Variants in CRYZ observed in about 807,000 individuals in gnomAD.
CRYZ encodes the protein zeta-crystallin.
In CRYZ, 35 loss-of-function variants were observed where a neutral mutation model predicts 34.1. The ratio of observed to expected loss-of-function variants is 1.03; its 90% CI spans 0.78 to 1.36. CRYZ has a LOEUF of 1.36. CRYZ is among the 40% of genes most tolerant of loss of function. The pLI, the probability that CRYZ is intolerant of heterozygous loss-of-function variation, is 0.00. For missense variants in CRYZ, 403 were observed against 391.8 expected (o/e 1.03, Z -0.24); for synonymous variants, 137 against 136.5 (o/e 1.00, Z -0.03).
At chr1:74,726,247 G>A (rs989691491) in intron 1 of CRYZ, among the ~76,000 whole-genome samples, 3 of 152,166 alleles carry the variant, frequency 2.0e-5, no homozygotes, top group East Asian at 1.9e-4. Context: ...TCTCCATGAG[G>A]GCTCCATCCC....
rs1381461241 is a variant in CRYZ, at chr1:74,710,119, C to T, written c.609G>A (p.Val203=). ...GAHEVFNHRE[V]NYIDKIKKYV... ...TTACCTTAATTTTATCAATGTAATTCACTTCTCTGTGATTGAACACTTCAT... is the reference window on the plus strand; with the variant it reads ...TTACCTTAATTTTATCAATGTAATTTACTTCTCTGTGATTGAACACTTCAT... Residue 203 remains valine, a synonymous_variant, in exon 6 of 9, where the codon GTG becomes GTA. Coordinates refer to ENST00000340866, the MANE Select transcript of CRYZ (RefSeq NM_001889.4). 2 of 1,613,212 alleles carry T rather than the reference C, an allele frequency of 1.2e-6. No individual in the cohort carries two copies. Among genetic ancestry groups the T allele is most frequent in the Non-Finnish European group, 1.7e-6 (2 of 1,179,504 alleles).
chr1:74,711,610 G>A (rs1363812727), intron 5 of CRYZ, among the ~76,000 whole-genome samples: 1 of 152,222 alleles, frequency 6.6e-6, no homozygotes. Flanking sequence ...ACTTTGCCAA[G>A]TGTGGTGGCG....
At chr1:74,719,061 T>C in intron 4 of CRYZ, 148 bp downstream of exon 4, 1 of 765,348 alleles carries the variant, frequency 1.3e-6, no homozygotes, top group African/African-American at 1.8e-5. Flanking sequence ...ATTCCCCAAA[T>C]TCACAGTTTC....
At chr1:74,714,300 G>A (rs1235116239) in intron 5 of CRYZ, among the ~76,000 whole-genome samples, 1 of 152,018 alleles carries the variant, frequency 6.6e-6, no homozygotes, top group Non-Finnish European at 1.5e-5. Context: ...CTACTTGAAG[G>A]CAAAAACAAG....
chr1:74,730,566 G>T (rs891800669), intron 1 of CRYZ: 20 of 152,192 alleles, frequency 1.3e-4, no homozygotes, highest in Non-Finnish European at 5.9e-5. Flanking sequence ...AGAACAGGTA[G>T]AGAAGTTATT....
intron 6 of CRYZ, chr1:74,708,899 A>G (rs998866695): frequency 2.6e-5 from 4 of 152,154 alleles, no homozygotes; most frequent in Admixed American, 1.3e-4. Flanking sequence ...TTGAAAGTGA[A>G]AAGTCAGGAA....
At chr1:74,719,080 A>C in intron 4 of CRYZ, 129 bp downstream of exon 4, 1 of 904,640 alleles carries the variant, frequency 1.1e-6, no homozygotes, top group Non-Finnish European at 1.7e-6. Flanking sequence ...TCCATTATAT[A>C]AATGTTTAAT....
chr1:74,706,528 A>G lies in CRYZ; in HGVS notation c.829-71T>C, dbSNP rs1404103885. 44 of 1,377,034 alleles carry G rather than the reference A, an allele frequency of 3.2e-5. No homozygotes were observed. The Admixed American group carries it at 9.8e-4, about 31-fold the overall frequency. The allele number at this position is 1,377,034 out of a possible 1,614,324, so 85.3% of individuals were successfully genotyped here. ...TTTAATTTTCAGAAGCATTAAAAAC[A>G]CTTCAGAATCTAAGTGTTATACCAT... On this transcript the variant is annotated intron_variant, in intron 8 of 8. Coordinates refer to ENST00000340866, the MANE Select transcript of CRYZ (RefSeq NM_001889.4).
intron 6 of CRYZ, chr1:74,708,798 C>A (rs1420200038): frequency 6.6e-6 from 1 of 152,006 alleles, no homozygotes; most frequent in Non-Finnish European, 1.5e-5. Context: ...TGAGACTGAT[C>A]AGGATGAAAG....
intron 1 of CRYZ, among the ~76,000 whole-genome samples, chr1:74,732,012 T>C (rs1647782525): frequency 6.6e-6 from 1 of 152,192 alleles, no homozygotes; most frequent in South Asian, 2.1e-4. Context: ...GGGAAACCTG[T>C]AATTGTGGGA....
rs185375446 is a variant in CRYZ at position 74,727,148 on chromosome 1, C to T, written c.-13-2314G>A. On this transcript the variant is annotated intron_variant, in intron 1 of 8. Coordinates refer to ENST00000340866, the MANE Select transcript of CRYZ (RefSeq NM_001889.4). Reference sequence around the variant, plus strand: ...TCCAATTGTTACCCAGTTTCAAAGTCGCTTCCACATTTGCAGGTATCTTTA... The same window carrying T: ...TCCAATTGTTACCCAGTTTCAAAGTTGCTTCCACATTTGCAGGTATCTTTA... 1.8e-3 allele frequency among the ~76,000 whole-genome samples: 235 copies of T among 128,822 alleles called. 2 individuals are homozygous for T. Among genetic ancestry groups the T allele is most frequent in the African/African-American group, 5.3e-3 (208 of 39,302 alleles). 84.5% of individuals were successfully genotyped at this position (128,822 alleles called of 152,430 possible). A position where few individuals can be genotyped will look rare whatever the true frequency, so the allele number is the denominator to read the frequency against.
chr1:74,719,149 A>G (rs1247947622), intron 4 of CRYZ, 60 bp downstream of exon 4: 1 of 1,526,026 alleles, frequency 6.6e-7, no homozygotes, highest in Non-Finnish European at 9.0e-7. Context: ...GCTAGAAGGC[A>G]GGCAGTTAAC....
chr1:74,729,263 G>A (rs1267011162), intron 1 of CRYZ, among the ~76,000 whole-genome samples: 1 of 151,708 alleles, frequency 6.6e-6, no homozygotes, highest in East Asian at 1.9e-4. Flanking sequence ...TCTTGATGCT[G>A]TTTCCTCATC....
At chr1:74,712,199 T>C (rs1569979889) in intron 5 of CRYZ, among the ~76,000 whole-genome samples, 1 of 152,324 alleles carries the variant, frequency 6.6e-6, no homozygotes, top group East Asian at 1.9e-4. Flanking sequence ...CAAATGATGG[T>C]ACAAATAAGT....
At position 74,710,203 on chromosome 1, in the gene CRYZ, C is replaced by T. The variant is rs1335703784; in HGVS notation, c.525G>A (p.Lys175=). The T allele has an allele frequency of 3.7e-6, 6 of 1,613,844 alleles. No homozygotes were observed. The highest frequency in any genetic ancestry group is 5.1e-6 in the Non-Finnish European group (6 of 1,179,848). The change falls in exon 6 of 9, where the codon AAG becomes AAA. Residue 175 remains lysine (K), a synonymous_variant. Coordinates refer to ENST00000340866, the MANE Select transcript of CRYZ (RefSeq NM_001889.4). The stretch of plus-strand genomic sequence containing the variant: ...CCTCAGTACCAGCAGTGCCCAAAAT[C>T]TTTAAGCCATAAGCTCTAGCAATTT... ...ACQIARAYGL[K]ILGTAGTEEG... is the part of the protein sequence containing the mutation.
At chr1:74,709,766 A>T (rs1445322242) in intron 6 of CRYZ, among the ~76,000 whole-genome samples, 1 of 152,194 alleles carries the variant, frequency 6.6e-6, no homozygotes, top group African/African-American at 2.4e-5. Flanking sequence ...CATCAGTAGA[A>T]ATTATATTAA....
intron 4 of CRYZ, among the ~76,000 whole-genome samples, chr1:74,717,750 A>C (rs1449999860): frequency 6.6e-6 from 1 of 152,168 alleles, no homozygotes; most frequent in Non-Finnish European, 1.5e-5. Context: ...TTCAAAGTCC[A>C]TGCATTCACT....
At chr1:74,718,266 A>G (rs1647103626) in intron 4 of CRYZ, among the ~76,000 whole-genome samples, 1 of 152,034 alleles carries the variant, frequency 6.6e-6, no homozygotes, top group Non-Finnish European at 1.5e-5. Context: ...GCTCTGGCCC[A>G]TAAGGATTTT....
At position 74,729,462 on chromosome 1, in the gene CRYZ, C is replaced by T. The variant is rs368480625; in HGVS notation, c.-14+3494G>A. On this transcript the variant is annotated intron_variant, in intron 1 of 8. Coordinates refer to ENST00000340866, the MANE Select transcript of CRYZ (RefSeq NM_001889.4). ...ATCAAGGCCAGCCTTGGCAACATGG[C>T]GAAATGCCATCTCTACAAAAAAAAA... Among the ~76,000 whole-genome samples the T allele has an allele frequency of 9.0e-5, 12 of 133,898 alleles. No individual in the cohort carries two copies. The East Asian group carries it at 1.3e-3, about 15-fold the overall frequency. The allele number at this position is 133,898 out of a possible 152,430, so 87.8% of individuals were successfully genotyped here.
Sources: gnomAD v4.1 joint callset for allele counts (sites outside exome capture counted in the v4.1 genomes callset) on GRCh38, gnomAD v4.1.1 for gene constraint, MANE v1.5 for transcripts, NCBI Gene and HGNC (gene_info 2026-07-23, HGNC 2026-07-21) for gene names.